DAPK2: variants seen among roughly 807,000 people sequenced by gnomAD.
The protein encoded by DAPK2 is death-associated protein kinase 2.
In DAPK2, 35 loss-of-function variants were observed where a neutral mutation model predicts 44.1. The ratio of observed to expected loss-of-function variants is 0.79; its 90% CI spans 0.61 to 1.05. The LOEUF (loss-of-function observed/expected upper bound fraction) is 1.05, where lower values mean the gene tolerates loss of function less well. Among genes scored for constraint, DAPK2 ranks in the 50% least tolerant of loss-of-function variants. DAPK2 has a pLI of 0.00. For synonymous variants in DAPK2, 174 were observed against 182.6 expected, an observed-to-expected ratio of 0.95 and a Z score of 0.38; for missense variants, 453 against 483.2, an observed-to-expected ratio of 0.94 and a Z score of 0.59.
intron 1 of DAPK2, among the ~76,000 whole-genome samples, chr15:64,030,372 G>T (rs73456785): frequency 1.3e-5 from 2 of 152,142 alleles, no homozygotes; most frequent in African/African-American, 4.8e-5. Context: ...GCACCTAGAT[G>T]TTGACAGGGC....
intron 1 of DAPK2, among the ~76,000 whole-genome samples, chr15:63,995,192 T>C (rs1466395006): frequency 6.6e-6 from 1 of 152,126 alleles, no homozygotes; most frequent in East Asian, 1.9e-4. Context: ...TGTTGTTGTT[T>C]TCTTTTTGAG....
At chr15:63,989,400 G>A (rs984284301) in intron 1 of DAPK2, among the ~76,000 whole-genome samples, 10 of 152,032 alleles carry the variant, frequency 6.6e-5, no homozygotes, top group African/African-American at 1.7e-4. Context: ...AAGAGAGAGA[G>A]AAAACTGGGC....
Position 63,923,446 on chromosome 15 carries a change from C to T in DAPK2, c.858+1370G>A. On this transcript the variant is annotated intron_variant, in intron 8 of 10. Transcript: ENST00000261891. This position sits in a 1 kb window ranked among gnomAD's most constrained non-coding sequence, Gnocchi z 4.2. The stretch of plus-strand genomic sequence containing the variant: ...AGGCACACAAGCGGCCTCTGGCATT[C>T]ACTGCATGCGTCAGGCCATGGGGAG... 4 of 1,469,066 alleles carry T rather than the reference C, an allele frequency of 2.7e-6. No homozygotes were observed. Among genetic ancestry groups the T allele is most frequent in the Non-Finnish European group, 3.6e-6 (4 of 1,113,668 alleles). 91.0% of individuals were successfully genotyped at this position (1,469,066 alleles called of 1,614,324 possible).
chr15:63,997,202 C>T (rs2078972645), intron 1 of DAPK2, among the ~76,000 whole-genome samples: 1 of 152,202 alleles, frequency 6.6e-6, no homozygotes, highest in Non-Finnish European at 1.5e-5. Context: ...TCCAACTCTG[C>T]TCTAAGCCAT....
At chr15:64,029,367 C>G (rs1359783934) in intron 1 of DAPK2, among the ~76,000 whole-genome samples, 1 of 152,160 alleles carries the variant, frequency 6.6e-6, no homozygotes, top group Non-Finnish European at 1.5e-5. Flanking sequence ...CATCAGTCCT[C>G]CTGGCAGCCC....
rs1322292341 is a variant in DAPK2 at position 63,917,665 on chromosome 15, C to T, written c.859-5468G>A. 6.6e-6 allele frequency: 1 copy of T among 152,206 alleles called. No individual in the cohort carries two copies. Among genetic ancestry groups the T allele is most frequent in the Non-Finnish European group, 1.5e-5 (1 of 68,042 alleles). The allele number at this position is 152,206 out of a possible 1,614,324, so 9.4% of individuals were successfully genotyped here. A position where few individuals can be genotyped will look rare whatever the true frequency, so the allele number is the denominator to read the frequency against. ...TGTGTAATCTCCCTCTCTTTAATCT[C>T]CATTCAACTGTTCCAAGTTCCTAAC... On this transcript the variant is annotated intron_variant, in intron 8 of 10. Coordinates refer to ENST00000261891, the Ensembl canonical transcript of DAPK2. The surrounding 1 kb of genome is among the most constrained non-coding windows in gnomAD (Gnocchi z 4.4).
intron 1 of DAPK2, among the ~76,000 whole-genome samples, chr15:64,010,493 T>C (rs2079361437): frequency 6.6e-6 from 1 of 152,200 alleles, no homozygotes; most frequent in East Asian, 1.9e-4. Flanking sequence ...TCCGCATTCT[T>C]GGCTTTTTCA....
intron 8 of DAPK2, among the ~76,000 whole-genome samples, chr15:63,913,036 G>A (rs1192921309): frequency 6.6e-6 from 1 of 151,986 alleles, no homozygotes; most frequent in African/African-American, 2.4e-5. Flanking sequence ...AAAAAATTGA[G>A]TCCAATACAT....
Position 63,908,428 on chromosome 15 carries a change from G to T in DAPK2, c.*92C>A. ...CTCTTGCAAAGTGCTCAGGACGCCC[G>T]GGTGCTGGTGCTGAGCTGGGTCCAA... On this transcript the variant is annotated 3_prime_UTR_variant, in exon 11 of 11. Transcript: ENST00000261891. The surrounding 1 kb of genome is among the most constrained non-coding windows in gnomAD (Gnocchi z 5.7). The T allele has an allele frequency of 1.3e-6, 1 of 744,228 alleles. No individual in the cohort carries two copies. The highest frequency in any genetic ancestry group is 2.1e-6 in the Non-Finnish European group (1 of 486,502). 46.1% of individuals were successfully genotyped at this position (744,228 alleles called of 1,614,324 possible).
At position 64,008,204 on chromosome 15, in the gene DAPK2, T is replaced by TTG. The variant is rs199971258; in HGVS notation, c.93-24451_93-24450insCA. ...TATAAATGGGTGAATTGTATATAAATTATATCTGTTTTTTTAAAAAAGAAC... is the reference window on the plus strand; with the variant it reads ...TATAAATGGGTGAATTGTATATAAATTGTATATCTGTTTTTTTAAAAAAGAAC... On this transcript the variant is annotated intron_variant, in intron 1 of 10. Transcript: ENST00000261891. Among the ~76,000 whole-genome samples, 14 of 86,882 alleles carry TTG rather than the reference T, an allele frequency of 1.6e-4. No homozygotes were observed. The East Asian group carries it at 0.11, about 658-fold the overall frequency. 57.0% of individuals were successfully genotyped at this position (86,882 alleles called of 152,430 possible).
At chr15:63,930,479 T>C in intron 4 of DAPK2, 24 bp from the exon 6 acceptor site, 2 of 1,611,926 alleles carry the variant, frequency 1.2e-6, no homozygotes, top group African/African-American at 1.3e-5. Flanking sequence ...TATTAAATAG[T>C]CAACATGAGT....
chr15:63,948,792 A>G (rs1350825676), intron 3 of DAPK2, among the ~76,000 whole-genome samples: 1 of 152,206 alleles, frequency 6.6e-6, no homozygotes, highest in Non-Finnish European at 1.5e-5. Context: ...GTCACAGTTT[A>G]CAAAGAAGTC....
chr15:63,997,398 G>A (rs2078977694), intron 1 of DAPK2, among the ~76,000 whole-genome samples: 1 of 152,164 alleles, frequency 6.6e-6, no homozygotes, highest in Non-Finnish European at 1.5e-5. Context: ...CACGATCTTG[G>A]CTCACTGCAA....
intron 3 of DAPK2, among the ~76,000 whole-genome samples, chr15:63,956,989 C>A (rs937067813): frequency 6.6e-6 from 1 of 152,180 alleles, no homozygotes; most frequent in Admixed American, 6.5e-5. Flanking sequence ...TTAGATGAAA[C>A]GTTCTGTAAA....
chr15:63,952,155 G>A (rs1159661678), intron 3 of DAPK2, among the ~76,000 whole-genome samples: 5 of 152,130 alleles, frequency 3.3e-5, no homozygotes, highest in Admixed American at 6.5e-5. Flanking sequence ...GAGGAGAATC[G>A]TTTGAACCTG....
intron 3 of DAPK2, among the ~76,000 whole-genome samples, chr15:63,960,077 T>C (rs983188343): frequency 4.6e-5 from 7 of 152,238 alleles, no homozygotes; most frequent in African/African-American, 1.4e-4. Context: ...CCTGGTTTAG[T>C]CTTGGAAGAG....
chr15:63,907,500 G>C (rs929872924), exon 11 of DAPK2: 10 of 152,012 alleles, frequency 6.6e-5, no homozygotes, highest in African/African-American at 2.2e-4. Flanking sequence ...GCTCACTGCA[G>C]CCTCGACCTT....
At chr15:63,953,672 T>C (rs2077648925) in intron 3 of DAPK2, among the ~76,000 whole-genome samples, 1 of 152,200 alleles carries the variant, frequency 6.6e-6, no homozygotes, top group Non-Finnish European at 1.5e-5. Context: ...GTTAGTTCTA[T>C]TTTTAGTTTT....
exon 11 of DAPK2, chr15:63,907,571 C>T (rs1052197384): frequency 1.2e-4 from 19 of 152,260 alleles, no homozygotes; most frequent in Admixed American, 1.1e-3. Flanking sequence ...AGGTGCCTAC[C>T]CCTACACCTG....
Sources: allele counts gnomAD v4.1 joint callset (sites outside exome capture counted in the v4.1 genomes callset), GRCh38; gene constraint gnomAD v4.1.1; non-coding constraint Gnocchi (gnomAD v3.1); transcripts MANE v1.5; gene names NCBI Gene and HGNC (gene_info 2026-07-23, HGNC 2026-07-21).